The following ACAD11 variants were observed in gnomAD, a reference collection of about 807,000 sequenced individuals.
The protein encoded by ACAD11 is acyl-Coenzyme A dehydrogenase family, member 11.
Under a neutral mutation model 102.2 loss-of-function variants are expected in ACAD11, and 83 were observed. That is an observed-to-expected ratio of 0.81 (90% CI 0.68 to 0.97). The LOEUF (loss-of-function observed/expected upper bound fraction) is 0.97. ACAD11 is among the 50% of genes least tolerant of loss of function. ACAD11 has a pLI of 0.00. For synonymous variants in ACAD11, 324 were observed against 319.8 expected, an observed-to-expected ratio of 1.01 and a Z score of -0.14; for missense variants, 901 against 951.7, an observed-to-expected ratio of 0.95 and a Z score of 0.70.
intron 5 of ACAD11, among the ~76,000 whole-genome samples, chr3:132,631,983 A>C (rs1940058839): frequency 6.6e-6 from 1 of 152,216 alleles, no homozygotes; most frequent in Admixed American, 6.5e-5. Flanking sequence ...ATCCACCATT[A>C]TATAGCAACA....
chr3:132,570,984 T>A (rs113673222), intron 17 of ACAD11, among the ~76,000 whole-genome samples: 2,111 of 152,310 alleles, frequency 0.014, 32 homozygotes, highest in South Asian at 0.072. Flanking sequence ...CACGCATGTG[T>A]CTTTAACGTA....
intron 4 of ACAD11, among the ~76,000 whole-genome samples, chr3:132,641,757 AAAATT>A (rs1198480788): frequency 6.6e-6 from 1 of 152,002 alleles, no homozygotes; most frequent in Non-Finnish European, 1.5e-5. Context: ...AAAGTATTGG[AAAATT>A]AAGAGTCTAA....
intron 11 of ACAD11, among the ~76,000 whole-genome samples, chr3:132,608,738 C>T (rs1938972867): frequency 6.6e-6 from 1 of 152,140 alleles, no homozygotes; most frequent in African/African-American, 2.4e-5. Flanking sequence ...GTCGACGAGA[C>T]AGAAAATTAA....
intron 5 of ACAD11, among the ~76,000 whole-genome samples, chr3:132,631,889 C>T (rs1458957497): frequency 6.6e-6 from 1 of 152,140 alleles, no homozygotes; most frequent in Non-Finnish European, 1.5e-5. Context: ...ACTACTCCAT[C>T]CATGGTACTT....
intron 4 of ACAD11, among the ~76,000 whole-genome samples, chr3:132,640,789 G>A (rs1337635708): frequency 6.6e-6 from 1 of 152,114 alleles, no homozygotes; most frequent in Non-Finnish European, 1.5e-5. Flanking sequence ...ACTCTGCCAT[G>A]TAGGACCTAG....
At chr3:132,613,370 G>A (rs1161719846) in intron 11 of ACAD11, among the ~76,000 whole-genome samples, 1 of 151,442 alleles carries the variant, frequency 6.6e-6, no homozygotes, top group Admixed American at 6.6e-5. Context: ...AAAACTTTAA[G>A]TATAATAATA....
chr3:132,628,979 C>T (rs940988408), intron 7 of ACAD11, among the ~76,000 whole-genome samples: 4 of 152,136 alleles, frequency 2.6e-5, no homozygotes, highest in African/African-American at 9.7e-5. Flanking sequence ...AAACTCCTTC[C>T]TCTTCCCTAA....
intron 13 of ACAD11, chr3:132,600,394 A>G: frequency 6.3e-7 from 1 of 1,577,008 alleles, no homozygotes; most frequent in Non-Finnish European, 8.6e-7. Context: ...TCTAGATTGG[A>G]GCCATGGCTT....
At position 132,606,808 on chromosome 3, in the gene ACAD11, G is replaced by A. The variant is rs556832082; in HGVS notation, c.1415-1603C>T. 7.5e-4 allele frequency among the ~76,000 whole-genome samples: 114 copies of A among 152,326 alleles called. 1 individual carries two copies. The highest frequency in any genetic ancestry group is 2.6e-3 in the African/African-American group (108 of 41,570). On this transcript the variant is annotated intron_variant, in intron 11 of 19. Transcript: ENST00000264990. ...AGGGACAGACTGCCTCCTCAAGTGGGTCCCTGACCCCCGTGCCTTCTGACA... is the reference window on the plus strand; with the variant it reads ...AGGGACAGACTGCCTCCTCAAGTGGATCCCTGACCCCCGTGCCTTCTGACA...
chr3:132,604,157 T>C (rs942799662), intron 12 of ACAD11, among the ~76,000 whole-genome samples: 2 of 152,174 alleles, frequency 1.3e-5, no homozygotes, highest in African/African-American at 4.8e-5. Context: ...CTGTCTGAGG[T>C]TTCAGTTATG....
rs746436183 is a variant in ACAD11 at position 132,626,732 on chromosome 3, C to T, written c.1156G>A (p.Val386Met). Residue 386 changes from valine (V) to methionine (M), a missense_variant, in exon 9 of 20, where the codon GTG (valine) becomes ATG (methionine). Physicochemically the swap from Val to Met is conservative, Grantham distance 21. Coordinates refer to ENST00000264990, the MANE Select transcript of ACAD11 (RefSeq NM_032169.5). ...ATGTGTTGTTTCATGAAATGCTTCA[C>T]CTTAATAAGAACTTCCTGACCTTTC... ...TRKGQEVLIK[V>M]KHFMKQHILP... 1 of 1,613,754 alleles carries T rather than the reference C, an allele frequency of 6.2e-7. No individual in the cohort carries two copies. Among genetic ancestry groups the T allele is most frequent in the South Asian group, 1.1e-5 (1 of 91,070 alleles).
intron 5 of ACAD11, among the ~76,000 whole-genome samples, chr3:132,633,697 AC>A (rs1165360021): frequency 6.6e-6 from 1 of 152,188 alleles, no homozygotes; most frequent in East Asian, 1.9e-4. Context: ...TGGTACTGGT[AC>A]TAAAACAGAG....
At chr3:132,610,888 C>T (rs1939105828) in intron 11 of ACAD11, among the ~76,000 whole-genome samples, 1 of 152,128 alleles carries the variant, frequency 6.6e-6, no homozygotes, top group Non-Finnish European at 1.5e-5. Context: ...CCAGCATCAT[C>T]CTGATACCAA....
intron 13 of ACAD11, among the ~76,000 whole-genome samples, chr3:132,591,338 C>G (rs144713726): frequency 0.014 from 2,158 of 152,158 alleles, 21 homozygotes; most frequent in Middle Eastern, 0.031. Flanking sequence ...TATTTCTGGG[C>G]TCTATTCTGT....
chr3:132,563,767 C>CT (rs1299881229), intron 17 of ACAD11, among the ~76,000 whole-genome samples: 1 of 152,070 alleles, frequency 6.6e-6, no homozygotes, highest in African/African-American at 2.4e-5. Flanking sequence ...ACTACATGCA[C>CT]TTTTTTTCTC....
intron 7 of ACAD11, 122 bp from the exon 8 acceptor site, chr3:132,628,568 G>T: frequency 1.6e-6 from 1 of 609,570 alleles, no homozygotes; most frequent in Non-Finnish European, 2.8e-6. Context: ...ACGTAAAACA[G>T]ACTATCGACG....
intron 17 of ACAD11, among the ~76,000 whole-genome samples, chr3:132,569,067 G>A (rs1249880860): frequency 6.6e-6 from 1 of 151,922 alleles, no homozygotes; most frequent in South Asian, 2.1e-4. Context: ...GAAAAGACAA[G>A]ATACAGAGTA....
At chr3:132,651,611 T>G (rs1212467757) in intron 1 of ACAD11, among the ~76,000 whole-genome samples, 1 of 152,228 alleles carries the variant, frequency 6.6e-6, no homozygotes, top group African/African-American at 2.4e-5. Context: ...CAATCAATAC[T>G]TGACCTACCA....
chr3:132,568,949 G>A (rs1576547536), intron 17 of ACAD11, among the ~76,000 whole-genome samples: 1 of 151,970 alleles, frequency 6.6e-6, no homozygotes, highest in South Asian at 2.1e-4. Flanking sequence ...ATTCGGCAGA[G>A]TTATTAGACT....
Sources: allele counts gnomAD v4.1 joint callset (sites outside exome capture counted in the v4.1 genomes callset), GRCh38; gene constraint gnomAD v4.1.1; transcripts MANE v1.5; gene names NCBI Gene and HGNC (gene_info 2026-07-23, HGNC 2026-07-21).